The following NBPF20 variants were observed in gnomAD, a reference collection of about 807,000 sequenced individuals.
NBPF20 encodes NBPF family member NBPF20.
A neutral mutation model predicts 68.1 loss-of-function variants in NBPF20; 90 were observed. That is an observed-to-expected ratio of 1.32 (90% CI 1.11 to 1.58). The LOEUF is 1.58. Among genes scored for constraint, NBPF20 ranks in the 40% most tolerant of loss-of-function variants. The pLI is 0.00. For synonymous variants in NBPF20, 290 were observed against 228.1 expected (o/e 1.27, Z -2.45); for missense variants, 816 against 601.2 (o/e 1.36, Z -3.74).
At chr1:145,395,772 A>G (rs1163752383) in intron 7 of NBPF20, among the ~76,000 whole-genome samples, 2 of 148,624 alleles carry the variant, frequency 1.3e-5, no homozygotes, top group Admixed American at 1.3e-4. Context: ...TGACTGTTAG[A>G]AGGAAAACTA....
chr1:145,417,907 A>G, the NBPF20 span, among the ~76,000 whole-genome samples: 11 of 134,120 alleles, frequency 8.2e-5, no homozygotes, highest in African/African-American at 2.2e-4. Context: ...AATCCTGCAC[A>G]TAAGTACTTG....
intron 9 of NBPF20, 52 bp from the exon 15 acceptor site, chr1:145,393,298 A>C (rs1254537322): frequency 6.0e-6 from 4 of 671,646 alleles, no homozygotes; most frequent in African/African-American, 1.8e-5. Flanking sequence ...CAGAAACCAC[A>C]CAGCCCCAGC....
At chr1:145,407,344 T>C (rs1225638006), upstream of NBPF20, among the ~76,000 whole-genome samples, 3 of 142,574 alleles carry the variant, frequency 2.1e-5, no homozygotes, top group South Asian at 4.4e-4. Flanking sequence ...AGTTAATGGG[T>C]GCAGCAAACC....
chr1:145,393,613 G>T (rs1173131269), intron 9 of NBPF20: 9 of 716,974 alleles, frequency 1.3e-5, no homozygotes, highest in South Asian at 1.1e-4. Flanking sequence ...CAATAATTTT[G>T]CATAAAATGT....
At position 145,404,115 on chromosome 1, in the gene NBPF20, T is replaced by A. The variant is rs1273640301; in HGVS notation, c.176-797A>T. 4.9e-5 allele frequency among the ~76,000 whole-genome samples: 7 copies of A among 141,632 alleles called. No homozygotes were observed. In the Admixed American group the frequency reaches 5.1e-4, roughly 10 times the overall value. The allele number at this position is 141,632 out of a possible 152,430, so 92.9% of individuals were successfully genotyped here. On this transcript the variant is annotated intron_variant, in intron 2 of 137. Transcript: ENST00000369373. ...CAGGAGACAGGCTGAGGGTCCCTGC[T>A]TTGCACACTGCACTGCTGCTTCCAC...
intron 8 of NBPF20, among the ~76,000 whole-genome samples, chr1:145,394,166 G>C (rs1287276460): frequency 2.0e-5 from 3 of 152,222 alleles, no homozygotes; most frequent in East Asian, 1.9e-4. Context: ...TCTTCCCTAT[G>C]TGCTCTGTCC....
chr1:145,409,484 G>A (rs1558984691), upstream of NBPF20, among the ~76,000 whole-genome samples: 1 of 149,028 alleles, frequency 6.7e-6, no homozygotes, highest in African/African-American at 2.5e-5. Context: ...TGTAACAAAA[G>A]CCCACCAAGA....
intron 136 of NBPF20, 118 bp from the exon 142 acceptor site, chr1:145,292,607 T>C (rs587610840): frequency 1.1e-5 from 8 of 739,934 alleles, no homozygotes; most frequent in East Asian, 1.0e-4. Context: ...ATAGGACACT[T>C]TGAGAGATAT....
intron 9 of NBPF20, among the ~76,000 whole-genome samples, chr1:145,393,458 A>ACACAAAC (rs1349838912): frequency 6.9e-6 from 1 of 145,160 alleles, no homozygotes; most frequent in African/African-American, 2.6e-5. Context: ...CACACACACA[A>ACACAAAC]ACACACACAC....
chr1:145,409,357 C>A (rs879956289), upstream of NBPF20, among the ~76,000 whole-genome samples: 9 of 147,706 alleles, frequency 6.1e-5, no homozygotes, highest in Admixed American at 4.8e-4. Flanking sequence ...ACGTGGCAGG[C>A]CAGGTCTCAC....
chr1:145,421,903 T>C, the NBPF20 span, among the ~76,000 whole-genome samples: 1 of 152,006 alleles, frequency 6.6e-6, no homozygotes, highest in Non-Finnish European at 1.5e-5. Context: ...CCGGGCATAG[T>C]GGTGCATGCC....
the NBPF20 span, among the ~76,000 whole-genome samples, chr1:145,411,433 C>A: frequency 8.2e-6 from 1 of 121,688 alleles, no homozygotes; most frequent in East Asian, 2.3e-4. Flanking sequence ...GCTCTGTTAC[C>A]CAGGCTGGAG....
At chr1:145,393,757 G>T (rs1444493480) in intron 9 of NBPF20, 127 bp downstream of exon 14, 2 of 1,507,412 alleles carry the variant, frequency 1.3e-6, no homozygotes, top group East Asian at 4.5e-5. Context: ...AGAAAGCAAT[G>T]TAGTAGGCAT....
chr1:145,395,657 C>G (rs1437738724), intron 7 of NBPF20, among the ~76,000 whole-genome samples: 1 of 149,456 alleles, frequency 6.7e-6, no homozygotes, highest in Non-Finnish European at 1.5e-5. Flanking sequence ...ACACCTCTCC[C>G]TGGATTTAAA....
At chr1:145,401,063 G>T in exon 5 of NBPF20, 2 of 1,607,462 alleles carry the variant, frequency 1.2e-6, no homozygotes, top group Non-Finnish European at 8.5e-7. Flanking sequence ...TGTTACCTGG[G>T]GGCAGACGAT....
At chr1:145,306,332 G>A (rs1571347655) in intron 119 of NBPF20, among the ~76,000 whole-genome samples, 1 of 147,994 alleles carries the variant, frequency 6.8e-6, no homozygotes, top group East Asian at 2.0e-4. Context: ...GAGAGAACGA[G>A]CTCAGTGAAT....
chr1:145,291,928 G>C (rs587706492), intron 137 of NBPF20, among the ~76,000 whole-genome samples, 159 bp from the exon 143 acceptor site: 35 of 151,888 alleles, frequency 2.3e-4, no homozygotes, highest in Non-Finnish European at 3.5e-4. Flanking sequence ...TGTTGGGATA[G>C]AACAGGGCCA....
Position 145,291,968 on chromosome 1 carries a change from G to C in NBPF20, c.16698-199C>G, listed in dbSNP as rs369703623. 4.2e-3 allele frequency among the ~76,000 whole-genome samples: 627 copies of C among 150,734 alleles called. 7 individuals are homozygous for C. Among genetic ancestry groups the C allele is most frequent in the Middle Eastern group, 0.021 (6 of 292 alleles). ...GAAAACAATGAAAGAGAAAGACAGA[G>C]AGAGAGAGACAGAGACAGAGAGAGA... is the stretch of plus-strand genomic sequence containing the variant. On this transcript the variant is annotated intron_variant, in intron 137 of 137. Transcript: ENST00000369373.
chr1:145,291,439 C>A lies in NBPF20; in HGVS notation c.*87G>T, dbSNP rs587708049. The A allele has an allele frequency of 4.3e-6, 7 of 1,611,010 alleles. No homozygotes were observed. In the Admixed American group the frequency reaches 8.3e-5, roughly 19 times the overall value. On this transcript the variant is annotated 3_prime_UTR_variant, in exon 138 of 138. Transcript: ENST00000369373. Reference sequence around the variant, plus strand: ...CTGACCCATCCTATGTCTGGGCTTCCAAATGGAACTGTACTTTCATTCAAA... The same window carrying A: ...CTGACCCATCCTATGTCTGGGCTTCAAAATGGAACTGTACTTTCATTCAAA...
Sources: allele counts gnomAD v4.1 joint callset (sites outside exome capture counted in the v4.1 genomes callset), GRCh38; gene constraint gnomAD v4.1.1; transcripts MANE v1.5; gene names NCBI Gene and HGNC (gene_info 2026-07-23, HGNC 2026-07-21).